Variants in RETREG1 observed in about 807,000 individuals in gnomAD.
RETREG1 encodes reticulophagy regulator 1, also known as family with sequence similarity 134 member B.
A neutral mutation model predicts 54.8 loss-of-function variants in RETREG1; 44 were observed. That is an observed-to-expected ratio of 0.80 (90% CI 0.63 to 1.03). The LOEUF (loss-of-function observed/expected upper bound fraction) is 1.03, where lower values mean the gene tolerates loss of function less well. Ranked by LOEUF, RETREG1 falls within the 50% of genes least tolerant of loss-of-function variation. The pLI, the probability that RETREG1 is intolerant of heterozygous loss-of-function variation, is 0.00. For missense variants in RETREG1, 554 were observed against 605.1 expected (o/e 0.92, Z 0.89); for synonymous variants, 217 against 238.5 (o/e 0.91, Z 0.83).
intron 3 of RETREG1, among the ~76,000 whole-genome samples, chr5:16,559,876 A>G (rs1741811070): frequency 6.6e-6 from 1 of 152,232 alleles, no homozygotes; most frequent in Non-Finnish European, 1.5e-5. Context: ...TCAGGTTTCA[A>G]TTCAGTGCTA....
At chr5:16,602,223 T>G (rs1026457192) in intron 1 of RETREG1, among the ~76,000 whole-genome samples, 1 of 152,122 alleles carries the variant, frequency 6.6e-6, no homozygotes, top group Admixed American at 6.5e-5. Flanking sequence ...CTCATGAATA[T>G]TCTCAAGAAG....
intron 3 of RETREG1, among the ~76,000 whole-genome samples, chr5:16,518,221 CTATA>C (rs1253042983): frequency 6.8e-6 from 1 of 146,292 alleles, no homozygotes; most frequent in Non-Finnish European, 1.5e-5. Context: ...AATATATTGA[CTATA>C]TATTTATATA....
chr5:16,573,953 G>T (rs1381661031), intron 1 of RETREG1, among the ~76,000 whole-genome samples: 1 of 152,110 alleles, frequency 6.6e-6, no homozygotes, highest in Non-Finnish European at 1.5e-5. Flanking sequence ...CACCGTGTTG[G>T]CCAGGCTGGT....
chr5:16,607,711 A>G (rs541239449), intron 1 of RETREG1, among the ~76,000 whole-genome samples: 1 of 152,218 alleles, frequency 6.6e-6, no homozygotes, highest in African/African-American at 2.4e-5. Flanking sequence ...AGGGTAATAG[A>G]TGGGTATTGC....
intron 3 of RETREG1, among the ~76,000 whole-genome samples, chr5:16,536,138 T>C (rs1741066821): frequency 6.6e-6 from 1 of 152,178 alleles, no homozygotes; most frequent in African/African-American, 2.4e-5. Context: ...TTTTATCTCC[T>C]TGGGAAAACA....
chr5:16,485,462 C>T (rs996916891), intron 3 of RETREG1, among the ~76,000 whole-genome samples: 2 of 152,052 alleles, frequency 1.3e-5, no homozygotes, highest in Non-Finnish European at 2.9e-5. Context: ...AACCACTGCG[C>T]GAGGACAAAA....
At chr5:16,508,891 C>G (rs1446125200) in intron 3 of RETREG1, 1 of 1,302,650 alleles carries the variant, frequency 7.7e-7, no homozygotes, top group East Asian at 3.3e-5. Flanking sequence ...ACCTCTTACT[C>G]CCAGTACTGT....
intron 3 of RETREG1, chr5:16,508,800 A>C: frequency 2.1e-6 from 3 of 1,457,620 alleles, no homozygotes; most frequent in Non-Finnish European, 2.7e-6. Flanking sequence ...GGTGTTTACA[A>C]ACTTCCAAAG....
chr5:16,504,148 T>C (rs1369018589), intron 3 of RETREG1, among the ~76,000 whole-genome samples: 2 of 152,158 alleles, frequency 1.3e-5, no homozygotes, highest in Admixed American at 6.5e-5. Flanking sequence ...AGTGAGAACA[T>C]GCAGCGTTTG....
chr5:16,558,892 A>T (rs1299462001), intron 3 of RETREG1, among the ~76,000 whole-genome samples: 1 of 152,242 alleles, frequency 6.6e-6, no homozygotes, highest in Non-Finnish European at 1.5e-5. Context: ...TCATAAATAT[A>T]AAAAATACAT....
chr5:16,504,921 C>G (rs773012438), intron 3 of RETREG1, among the ~76,000 whole-genome samples: 1 of 152,202 alleles, frequency 6.6e-6, no homozygotes, highest in East Asian at 1.9e-4. Context: ...CAACAATAGG[C>G]TTTGTCAACA....
intron 3 of RETREG1, among the ~76,000 whole-genome samples, chr5:16,530,818 G>A (rs1740893025): frequency 6.6e-6 from 1 of 151,366 alleles, no homozygotes; most frequent in Non-Finnish European, 1.5e-5. Context: ...GGTTGCAGTG[G>A]CCCACTGCAC....
rs998042276 is a variant in RETREG1 at position 16,561,796 on chromosome 5, T to G, written c.458+3967A>C. On this transcript the variant is annotated intron_variant, in intron 3 of 8. Coordinates refer to ENST00000306320, the MANE Select transcript of RETREG1 (RefSeq NM_001034850.3). The surrounding 1 kb of genome is among the most constrained non-coding windows in gnomAD (Gnocchi z 4.2). ...GAAATTCTCACATGCAAATTTTAGA[T>G]GCATTCAGAAGGGTTGTGGGTGCAA... Among the ~76,000 whole-genome samples, 1 of 152,228 alleles carries G rather than the reference T, an allele frequency of 6.6e-6. No homozygotes were observed. Among genetic ancestry groups the G allele is most frequent in the Admixed American group, 6.5e-5 (1 of 15,286 alleles).
chr5:16,606,752 C>T (rs926235092), intron 1 of RETREG1, among the ~76,000 whole-genome samples: 1 of 152,192 alleles, frequency 6.6e-6, no homozygotes, highest in Non-Finnish European at 1.5e-5. Flanking sequence ...TTGGCTCAGC[C>T]TCTCTGCACC....
At chr5:16,497,909 C>T (rs1739534307) in intron 3 of RETREG1, among the ~76,000 whole-genome samples, 1 of 152,066 alleles carries the variant, frequency 6.6e-6, no homozygotes, top group Non-Finnish European at 1.5e-5. Flanking sequence ...CTCTCCTATG[C>T]CCAAAAAAGA....
At chr5:16,601,365 GAAAA>G (rs540823588) in intron 1 of RETREG1, among the ~76,000 whole-genome samples, 250 of 72,646 alleles carry the variant, frequency 3.4e-3, no homozygotes, top group African/African-American at 8.5e-3. Flanking sequence ...TAAAAAAGAG[GAAAA>G]AAAACAAAGA....
chr5:16,583,617 T>A (rs1742550562), intron 1 of RETREG1, among the ~76,000 whole-genome samples: 3 of 152,192 alleles, frequency 2.0e-5, no homozygotes, highest in Non-Finnish European at 4.4e-5. Context: ...ATTAAATGGC[T>A]TAATAGGATA....
At chr5:16,576,487 T>A (rs962622794) in intron 1 of RETREG1, among the ~76,000 whole-genome samples, 4 of 151,810 alleles carry the variant, frequency 2.6e-5, no homozygotes, top group Non-Finnish European at 4.4e-5. Flanking sequence ...TTTATTTATT[T>A]ATTTTTTTAT....
In RETREG1 at chr5:16,473,974, G is replaced by A. The variant is rs992602555; in HGVS notation, c.*767C>T. On this transcript the variant is annotated 3_prime_UTR_variant, in exon 9 of 9. Coordinates refer to ENST00000306320, the MANE Select transcript of RETREG1 (RefSeq NM_001034850.3). The stretch of plus-strand genomic sequence containing the variant: ...AACATCCCTATCACAAACATATGAC[G>A]AATGAACAACAAAACAACTGAATCT... 1.3e-5 allele frequency: 2 copies of A among 152,090 alleles called. No individual in the cohort carries two copies. Among genetic ancestry groups the A allele is most frequent in the African/African-American group, 2.4e-5 (1 of 41,402 alleles). 9.4% of individuals were successfully genotyped at this position (152,090 alleles called of 1,614,324 possible).
Sources: gnomAD v4.1 joint callset for allele counts (sites outside exome capture counted in the v4.1 genomes callset) on GRCh38, gnomAD v4.1.1 for gene constraint, Gnocchi (gnomAD v3.1) non-coding constraint, MANE v1.5 for transcripts, NCBI Gene and HGNC (gene_info 2026-07-23, HGNC 2026-07-21) for gene names.